MUSK: variants seen among roughly 807,000 people sequenced by gnomAD.
MUSK encodes the protein muscle, skeletal receptor tyrosine-protein kinase.
In MUSK, 55 loss-of-function variants were observed where a neutral mutation model predicts 88.7. The observed-to-expected ratio is 0.62, with a 90% CI of 0.50 to 0.78. The LOEUF (loss-of-function observed/expected upper bound fraction) is 0.78, where lower values mean the gene tolerates loss of function less well. MUSK is among the 30% of genes least tolerant of loss of function. MUSK has a pLI of 0.00. For missense variants in MUSK, 1,015 were observed against 1,074.3 expected (o/e 0.94, Z 0.77); for synonymous variants, 387 against 391.9 (o/e 0.99, Z 0.15).
intron 7 of MUSK, among the ~76,000 whole-genome samples, chr9:110,757,459 G>GAA (rs56887113): frequency 2.2e-3 from 271 of 122,288 alleles, no homozygotes; most frequent in African/African-American, 4.8e-3. Context: ...ACTCTGTCTT[G>GAA]AAAAAAAAAA....
intron 14 of MUSK, among the ~76,000 whole-genome samples, chr9:110,799,166 A>C (rs993223051): frequency 1.3e-5 from 2 of 152,206 alleles, no homozygotes; most frequent in African/African-American, 2.4e-5. Flanking sequence ...CTTGGAATTA[A>C]AAATTAATGC....
At chr9:110,740,666 A>G (rs1410019647) in intron 6 of MUSK, among the ~76,000 whole-genome samples, 2 of 152,166 alleles carry the variant, frequency 1.3e-5, no homozygotes, top group Non-Finnish European at 2.9e-5. Context: ...AGGCTTTAGA[A>G]GCATTTCGCG....
At chr9:110,674,821 A>T (rs1441733595) in intron 1 of MUSK, among the ~76,000 whole-genome samples, 1 of 152,068 alleles carries the variant, frequency 6.6e-6, no homozygotes, top group Non-Finnish European at 1.5e-5. Context: ...TGTGCTGCCC[A>T]GCCTGGTCTC....
At chr9:110,739,484 T>C (rs141410236) in intron 6 of MUSK, among the ~76,000 whole-genome samples, 3 of 152,176 alleles carry the variant, frequency 2.0e-5, no homozygotes, top group Admixed American at 2.0e-4. Flanking sequence ...AAGGTCAAAC[T>C]AATACAACGT....
chr9:110,744,211 C>A (rs1204281918), intron 6 of MUSK, among the ~76,000 whole-genome samples: 1 of 152,168 alleles, frequency 6.6e-6, no homozygotes, highest in Admixed American at 6.5e-5. Flanking sequence ...TCGTGATCTG[C>A]CTGCCTTGGT....
intron 8 of MUSK, among the ~76,000 whole-genome samples, chr9:110,762,895 T>C (rs1032158732): frequency 2.6e-5 from 4 of 152,092 alleles, no homozygotes; most frequent in Admixed American, 2.0e-4. Flanking sequence ...GTTCAAGAGA[T>C]TTAGAGTACA....
chr9:110,703,585 A>T (rs2076558925), intron 5 of MUSK, among the ~76,000 whole-genome samples: 1 of 152,082 alleles, frequency 6.6e-6, no homozygotes, highest in South Asian at 2.1e-4. Flanking sequence ...TTGATAAATA[A>T]TTAAACACAA....
intron 9 of MUSK, among the ~76,000 whole-genome samples, chr9:110,771,634 T>A (rs957413470): frequency 6.6e-6 from 1 of 152,196 alleles, no homozygotes; most frequent in African/African-American, 2.4e-5. Flanking sequence ...GAAATAGTTA[T>A]GTGAAGAAGT....
chr9:110,680,666 G>A (rs1446374778), intron 1 of MUSK, among the ~76,000 whole-genome samples: 1 of 151,772 alleles, frequency 6.6e-6, no homozygotes, highest in Non-Finnish European at 1.5e-5. Flanking sequence ...GATGACAGGT[G>A]TGAGCCACCA....
intron 1 of MUSK, among the ~76,000 whole-genome samples, chr9:110,674,221 C>T (rs3010816): frequency 0.5 from 75,922 of 151,838 alleles, 19,337 homozygotes; most frequent in African/African-American, 0.57. Flanking sequence ...TGTGTAGTAG[C>T]ATCCTTCATA....
At chr9:110,706,350 T>C (rs1345762581) in intron 5 of MUSK, among the ~76,000 whole-genome samples, 1 of 152,154 alleles carries the variant, frequency 6.6e-6, no homozygotes, top group Non-Finnish European at 1.5e-5. Context: ...CTATTCATTT[T>C]ATTAGGTTGA....
At position 110,764,586 on chromosome 9, in the gene MUSK, ATAGATAGATAGATAGAT is replaced by A. The variant is rs1352032880; in HGVS notation, c.920+2396_920+2412del. Among the ~76,000 whole-genome samples the A allele has an allele frequency of 7.6e-5, 11 of 144,976 alleles. No individual in the cohort carries two copies. In the East Asian group the frequency reaches 1.8e-3, roughly 23 times the overall value. The stretch of plus-strand genomic sequence containing the variant: ...CAAATTCAGATATATATAAATTTAG[ATAGATAGATAGATAGAT>A]TAGATAGATAGATAGATAGATAGAT... On this transcript the variant is annotated intron_variant, in intron 8 of 14. Transcript: ENST00000374448.
At chr9:110,753,458 AAAG>A (rs528135193) in intron 7 of MUSK, among the ~76,000 whole-genome samples, 12,981 of 149,318 alleles carry the variant, frequency 0.087, 542 homozygotes, top group Middle Eastern at 0.13. Flanking sequence ...AAAAAAAAAA[AAAG>A]AGAGAGAGAG....
intron 7 of MUSK, among the ~76,000 whole-genome samples, chr9:110,750,899 T>A (rs190709976): frequency 1.4e-4 from 21 of 152,254 alleles, no homozygotes; most frequent in African/African-American, 4.6e-4. Flanking sequence ...AGAAAAGGGA[T>A]CTATAAAATC....
In MUSK at chr9:110,801,843, AT is replaced by A. The variant is rs1377063574; in HGVS notation, c.*862del. On this transcript the variant is annotated 3_prime_UTR_variant, in exon 15 of 15. Transcript: ENST00000374448. ...TCTGTCCTTTTTTAGTTATTAAGCTATTTTTTTCTTTTATTTCATTCATGTA... is the reference window on the plus strand; with the variant it reads ...TCTGTCCTTTTTTAGTTATTAAGCTATTTTTTCTTTTATTTCATTCATGTA... Among the ~76,000 whole-genome samples, 1 of 151,984 alleles carries A rather than the reference AT, an allele frequency of 6.6e-6. No individual in the cohort carries two copies. Among genetic ancestry groups the A allele is most frequent in the South Asian group, 2.1e-4 (1 of 4,810 alleles).
chr9:110,698,767 A>G (rs2076465308), intron 5 of MUSK, among the ~76,000 whole-genome samples: 1 of 152,170 alleles, frequency 6.6e-6, no homozygotes, highest in African/African-American at 2.4e-5. Flanking sequence ...CTGTAATTTA[A>G]TATCTTCTAA....
chr9:110,726,418 G>A (rs2076884749), intron 5 of MUSK, among the ~76,000 whole-genome samples: 1 of 152,000 alleles, frequency 6.6e-6, no homozygotes, highest in South Asian at 2.1e-4. Context: ...ATCTAAAATT[G>A]AGCCTACGCT....
At chr9:110,723,631 A>G (rs941008384) in intron 5 of MUSK, among the ~76,000 whole-genome samples, 2 of 152,246 alleles carry the variant, frequency 1.3e-5, no homozygotes, top group South Asian at 4.1e-4. Flanking sequence ...TCCCAGTGCC[A>G]CTTGAAAGGC....
intron 5 of MUSK, among the ~76,000 whole-genome samples, chr9:110,717,832 C>A (rs2131794236): frequency 6.6e-6 from 1 of 152,150 alleles, no homozygotes; most frequent in African/African-American, 2.4e-5. Context: ...TAACAGAGTT[C>A]TTCTATCTGG....
Sources: gnomAD v4.1 joint callset for allele counts (sites outside exome capture counted in the v4.1 genomes callset) on GRCh38, gnomAD v4.1.1 for gene constraint, MANE v1.5 for transcripts, NCBI Gene and HGNC (gene_info 2026-07-23, HGNC 2026-07-21) for gene names.